Variants in LRBA observed in about 807,000 individuals in gnomAD.
The protein encoded by LRBA is lipopolysaccharide-responsive and beige-like anchor protein.
Under a neutral mutation model 330.0 loss-of-function variants are expected in LRBA, and 176 were observed. That is an observed-to-expected ratio of 0.53 (90% confidence interval 0.47 to 0.60). The LOEUF is 0.60. Ranked by LOEUF, LRBA falls within the 20% of genes least tolerant of loss-of-function variation. LRBA has a pLI of 0.00. For synonymous variants in LRBA, 1,230 were observed against 1,193.0 expected, an observed-to-expected ratio of 1.03 and a Z score of -0.64; for missense variants, 3,259 against 3,444.8, an observed-to-expected ratio of 0.95 and a Z score of 1.35.
At chr4:150,957,200 T>C (rs1737631097) in intron 2 of LRBA, among the ~76,000 whole-genome samples, 1 of 148,602 alleles carries the variant, frequency 6.7e-6, no homozygotes, top group East Asian at 1.9e-4. Flanking sequence ...AATAAAGACA[T>C]ACCTGAGACT....
intron 40 of LRBA, among the ~76,000 whole-genome samples, chr4:150,578,893 A>AG (rs1252612157): frequency 2.6e-5 from 4 of 152,208 alleles, no homozygotes; most frequent in Non-Finnish European, 2.9e-5. Context: ...TCTGGGCTGA[A>AG]GCATGCCAAT....
chr4:150,882,220 T>C (rs1382270740), intron 17 of LRBA, among the ~76,000 whole-genome samples: 1 of 152,204 alleles, frequency 6.6e-6, no homozygotes, highest in Non-Finnish European at 1.5e-5. Context: ...ATGAACCTAA[T>C]AGTTATCCTA....
chr4:150,549,582 C>T (rs377035809), intron 40 of LRBA, among the ~76,000 whole-genome samples: 46 of 152,268 alleles, frequency 3.0e-4, no homozygotes, highest in East Asian at 2.7e-3. Context: ...CTGCCCGCCT[C>T]GGCCTCCCAA....
At chr4:150,997,001 A>G (rs1742725831) in intron 2 of LRBA, among the ~76,000 whole-genome samples, 1 of 152,186 alleles carries the variant, frequency 6.6e-6, no homozygotes, top group East Asian at 1.9e-4. Flanking sequence ...GTTCCATTCT[A>G]TTATAACTGG....
chr4:150,288,512 C>T (rs1490071644), intron 53 of LRBA, among the ~76,000 whole-genome samples: 1 of 151,990 alleles, frequency 6.6e-6, no homozygotes, highest in Non-Finnish European at 1.5e-5. Flanking sequence ...TTGCTTGAAC[C>T]TGGGAGGTGG....
chr4:150,606,841 G>C (rs965883698), intron 37 of LRBA, among the ~76,000 whole-genome samples: 1 of 152,174 alleles, frequency 6.6e-6, no homozygotes, highest in Non-Finnish European at 1.5e-5. Flanking sequence ...ATTTCAATGA[G>C]GATCTATTTT....
At chr4:150,495,792 G>A (rs951295955) in intron 40 of LRBA, among the ~76,000 whole-genome samples, 2 of 152,146 alleles carry the variant, frequency 1.3e-5, no homozygotes, top group African/African-American at 4.8e-5. Context: ...CAGCACCTTA[G>A]ACAGAGGTCT....
chr4:150,792,695 T>A (rs1038096830), intron 34 of LRBA, among the ~76,000 whole-genome samples: 1 of 152,080 alleles, frequency 6.6e-6, no homozygotes. Flanking sequence ...TTGGTAGAGA[T>A]AGGGTCTTGC....
intron 37 of LRBA, among the ~76,000 whole-genome samples, chr4:150,647,118 A>G (rs1162154640): frequency 6.6e-6 from 1 of 151,956 alleles, no homozygotes; most frequent in Non-Finnish European, 1.5e-5. Context: ...GCTCCTGTTC[A>G]TATTTTTCCA....
At chr4:150,504,212 C>A (rs1055461023) in intron 40 of LRBA, among the ~76,000 whole-genome samples, 49 of 152,168 alleles carry the variant, frequency 3.2e-4, no homozygotes, top group Non-Finnish European at 5.3e-4. Flanking sequence ...GCAAGGCAGG[C>A]CAACATTCAA....
In LRBA at chr4:150,303,370, G is replaced by T. The variant is rs540823702; in HGVS notation, c.7850-578C>A. Among the ~76,000 whole-genome samples, 14 of 152,184 alleles carry T rather than the reference G, an allele frequency of 9.2e-5. No homozygotes were observed. The East Asian group carries it at 2.7e-3, about 29-fold the overall frequency. ...ATTATGATGAAAGAACTAATATATT[G>T]TGATTGCAATTTGAGCCAGGTGATT... On this transcript the variant is annotated intron_variant, in intron 52 of 56. Coordinates refer to ENST00000651943, the MANE Select transcript of LRBA (RefSeq NM_001364905.1).
intron 37 of LRBA, among the ~76,000 whole-genome samples, chr4:150,666,449 T>A (rs929740669): frequency 1.3e-5 from 2 of 151,504 alleles, no homozygotes; most frequent in Middle Eastern, 3.4e-3. Flanking sequence ...GAGGTGGAGG[T>A]TGCAGTGAGT....
intron 17 of LRBA, among the ~76,000 whole-genome samples, chr4:150,876,042 AGATCCTG>A (rs1431835538): frequency 2.0e-5 from 3 of 152,246 alleles, no homozygotes; most frequent in African/African-American, 7.2e-5. Flanking sequence ...AATCAATCAG[AGATCCTG>A]GAATTGAAAA....
chr4:150,517,895 C>T (rs551584183), intron 40 of LRBA, among the ~76,000 whole-genome samples: 1 of 152,282 alleles, frequency 6.6e-6, no homozygotes, highest in East Asian at 1.9e-4. Context: ...CCCACAAATG[C>T]AATGCTTTTT....
At chr4:150,766,639 GA>G (rs1457504372) in intron 34 of LRBA, among the ~76,000 whole-genome samples, 1 of 152,102 alleles carries the variant, frequency 6.6e-6, no homozygotes, top group Non-Finnish European at 1.5e-5. Context: ...ATAGTTAAAA[GA>G]AAAGCTTAAT....
rs762108879 is a variant in LRBA, at chr4:150,858,951, C to A, written c.2767-6008G>T. On this transcript the variant is annotated intron_variant, in intron 22 of 56. Coordinates refer to ENST00000651943, the MANE Select transcript of LRBA (RefSeq NM_001364905.1). ...GATTTAAAAAATAATTTTAATAAAC[C>A]AATTAGAGAATTCTTTAAAAAAAAA... Among the ~76,000 whole-genome samples the A allele has an allele frequency of 2.6e-5, 4 of 152,032 alleles. No homozygotes were observed. In the South Asian group the frequency reaches 6.2e-4, roughly 24 times the overall value.
chr4:150,421,557 CTTTT>C (rs550445826), intron 46 of LRBA, among the ~76,000 whole-genome samples: 109 of 151,992 alleles, frequency 7.2e-4, no homozygotes, highest in African/African-American at 2.4e-3. Context: ...AGTTCTTATT[CTTTT>C]TTTGTTTGTT....
rs557202503 is a variant in LRBA, at chr4:150,828,119, C to A, written c.5171+61G>T. On this transcript the variant is annotated intron_variant, in intron 30 of 56. Transcript: ENST00000651943. ...TACACAGGGCGTCATCATCCCTAAC[C>A]CCCATGTTGTTCAAGGGTCAGATGT... The A allele has an allele frequency of 1.5e-3, 2,191 of 1,486,104 alleles. 1 individual carries two copies. Among genetic ancestry groups the A allele is most frequent in the Non-Finnish European group, 1.8e-3 (1,990 of 1,079,452 alleles). The allele number at this position is 1,486,104 out of a possible 1,614,324, so 92.1% of individuals were successfully genotyped here.
intron 44 of LRBA, among the ~76,000 whole-genome samples, chr4:150,443,847 T>TAAAAAAAAAAAAAAA (rs376721928): frequency 3.4e-4 from 18 of 53,708 alleles, no homozygotes; most frequent in East Asian, 1.4e-3. Flanking sequence ...AAAGTATAAT[T>TAAAAAAAAAAAAAAA]AAAAAAATAT....
Sources: gnomAD v4.1 joint callset for allele counts (sites outside exome capture counted in the v4.1 genomes callset) on GRCh38, gnomAD v4.1.1 for gene constraint, MANE v1.5 for transcripts, NCBI Gene and HGNC (gene_info 2026-07-23, HGNC 2026-07-21) for gene names.